PDSS2: variants seen among roughly 807,000 people sequenced by gnomAD.
PDSS2 encodes all trans-polyprenyl-diphosphate synthase PDSS2.
PDSS2 carries 31 observed loss-of-function variants against 44.5 expected under a neutral mutation model. The observed-to-expected ratio is 0.70, with a 90% confidence interval of 0.52 to 0.94. The LOEUF (loss-of-function observed/expected upper bound fraction) is 0.94. PDSS2 is among the 40% of genes least tolerant of loss of function. The pLI is 0.00. For missense variants in PDSS2, 452 were observed against 482.2 expected (o/e 0.94, Z 0.59); for synonymous variants, 157 against 180.3 (o/e 0.87, Z 1.03).
chr6:107,374,950 T>C (rs913613379), intron 1 of PDSS2, among the ~76,000 whole-genome samples: 11 of 152,144 alleles, frequency 7.2e-5, no homozygotes, highest in African/African-American at 2.2e-4. Flanking sequence ...TAGGAAGATA[T>C]CTAGAAAATC....
intron 4 of PDSS2, among the ~76,000 whole-genome samples, chr6:107,225,989 C>T (rs138607869): frequency 4.7e-4 from 72 of 152,246 alleles, no homozygotes; most frequent in African/African-American, 1.7e-3. Context: ...AATGGGGAAG[C>T]CAAACAATTG....
chr6:107,255,407 G>T (rs1774979279), intron 3 of PDSS2, among the ~76,000 whole-genome samples: 1 of 151,380 alleles, frequency 6.6e-6, no homozygotes, highest in South Asian at 2.1e-4. Context: ...GTCCAGGCTG[G>T]TCTCAAACTC....
At chr6:107,282,885 A>AG (rs1491273658) in intron 2 of PDSS2, among the ~76,000 whole-genome samples, 1 of 149,568 alleles carries the variant, frequency 6.7e-6, no homozygotes, top group Non-Finnish European at 1.5e-5. Flanking sequence ...AAAAAAAAAA[A>AG]GAAGAATTTT....
intron 1 of PDSS2, among the ~76,000 whole-genome samples, chr6:107,358,714 A>G (rs139883276): frequency 2.0e-5 from 3 of 152,332 alleles, no homozygotes; most frequent in African/African-American, 7.2e-5. Context: ...GGGTTTCTCA[A>G]TCTTGGCACT....
chr6:107,171,226 A>ATCC (rs577097938), intron 7 of PDSS2, among the ~76,000 whole-genome samples: 161 of 152,252 alleles, frequency 1.1e-3, no homozygotes, highest in African/African-American at 3.8e-3. Context: ...CAGTAGCAAG[A>ATCC]TCATAGTTCA....
At chr6:107,452,244 CT>C (rs1196499531) in intron 1 of PDSS2, among the ~76,000 whole-genome samples, 84 of 142,952 alleles carry the variant, frequency 5.9e-4, no homozygotes, top group Admixed American at 6.3e-4. Flanking sequence ...TTAGAGAGTT[CT>C]TTTTTTTTTT....
chr6:107,427,896 T>C (rs1781056338), intron 1 of PDSS2, among the ~76,000 whole-genome samples: 1 of 152,250 alleles, frequency 6.6e-6, no homozygotes, highest in Non-Finnish European at 1.5e-5. Flanking sequence ...CCAGCATTTA[T>C]AATGAATTTA....
intron 7 of PDSS2, among the ~76,000 whole-genome samples, chr6:107,185,878 G>A (rs979212630): frequency 3.9e-5 from 6 of 152,180 alleles, no homozygotes; most frequent in African/African-American, 1.4e-4. Context: ...ACCTAGGGCT[G>A]CAGGACAGTC....
At chr6:107,183,206 C>CT (rs1284106962) in intron 7 of PDSS2, among the ~76,000 whole-genome samples, 1 of 78,274 alleles carries the variant, frequency 1.3e-5, no homozygotes, top group African/African-American at 4.5e-5. Context: ...GCAAGACTGT[C>CT]TAAAAAAAAA....
chr6:107,419,493 T>C (rs1173836624), intron 1 of PDSS2, among the ~76,000 whole-genome samples: 1 of 152,224 alleles, frequency 6.6e-6, no homozygotes, highest in African/African-American at 2.4e-5. Flanking sequence ...GTGTTTCCTT[T>C]GCTTACCTAC....
intron 4 of PDSS2, among the ~76,000 whole-genome samples, chr6:107,225,137 T>TTATATA (rs1554256031): frequency 8.3e-4 from 52 of 62,378 alleles, no homozygotes; most frequent in South Asian, 1.4e-3. Context: ...ATATATATTT[T>TTATATA]TATATATATA....
At chr6:107,187,867 T>C (rs576732484) in intron 7 of PDSS2, among the ~76,000 whole-genome samples, 1 of 152,278 alleles carries the variant, frequency 6.6e-6, no homozygotes, top group East Asian at 1.9e-4. Flanking sequence ...TGCCGTTAGA[T>C]CTTTTACATG....
At chr6:107,267,466 C>T (rs573766496) in intron 3 of PDSS2, among the ~76,000 whole-genome samples, 1 of 152,120 alleles carries the variant, frequency 6.6e-6, no homozygotes, top group South Asian at 2.1e-4. Flanking sequence ...CTTCTGTTAA[C>T]ATGTGAATTC....
chr6:107,195,068 T>C (rs1772509242), intron 6 of PDSS2, among the ~76,000 whole-genome samples: 1 of 151,986 alleles, frequency 6.6e-6, no homozygotes, highest in Admixed American at 6.6e-5. Flanking sequence ...AGAACAAGAG[T>C]CCTCCAACTT....
At chr6:107,323,819 G>A (rs1441844826) in intron 2 of PDSS2, among the ~76,000 whole-genome samples, 1 of 152,138 alleles carries the variant, frequency 6.6e-6, no homozygotes, top group Non-Finnish European at 1.5e-5. Flanking sequence ...CTTCTTTAAG[G>A]AAAGGATTTT....
chr6:107,365,809 T>C (rs2114334483), intron 1 of PDSS2, among the ~76,000 whole-genome samples: 1 of 152,288 alleles, frequency 6.6e-6, no homozygotes, highest in East Asian at 1.9e-4. Context: ...TAAAGGTTTA[T>C]CATAGTTTTC....
chr6:107,274,667 C>CTTTTTTTTTTTTTTTT (rs5878910), intron 2 of PDSS2, among the ~76,000 whole-genome samples: 2 of 106,556 alleles, frequency 1.9e-5, no homozygotes, highest in Non-Finnish European at 3.9e-5. Context: ...ATCTCTCTCT[C>CTTTTTTTTTTTTTTTT]TTTTTTTTTT....
chr6:107,273,230 T>A (rs1049971496), intron 3 of PDSS2, among the ~76,000 whole-genome samples: 1 of 152,026 alleles, frequency 6.6e-6, no homozygotes, highest in Non-Finnish European at 1.5e-5. Context: ...GTGATCCACC[T>A]GCCTCGGCCT....
At chr6:107,437,679 T>A (rs1212447417) in intron 1 of PDSS2, among the ~76,000 whole-genome samples, 3 of 152,030 alleles carry the variant, frequency 2.0e-5, no homozygotes, top group African/African-American at 7.2e-5. Context: ...TATGAAAAAT[T>A]GGCCTCCCTG....
Sources: allele counts gnomAD v4.1 joint callset (sites outside exome capture counted in the v4.1 genomes callset), GRCh38; gene constraint gnomAD v4.1.1; transcripts MANE v1.5; gene names NCBI Gene and HGNC (gene_info 2026-07-23, HGNC 2026-07-21).